FAM107B: variants seen among roughly 807,000 people sequenced by gnomAD.
FAM107B encodes the protein protein FAM107B.
Under a neutral mutation model 31.5 loss-of-function variants are expected in FAM107B, and 21 were observed. That is an observed-to-expected ratio of 0.67 (90% CI 0.47 to 0.96). The LOEUF is 0.96. FAM107B is among the 40% of genes least tolerant of loss of function. The pLI is 0.00. For missense variants in FAM107B, 452 were observed against 377.1 expected (o/e 1.20, Z -1.64); for synonymous variants, 157 against 141.5 (o/e 1.11, Z -0.78).
chr10:14,533,979 C>T (rs193231280), intron 2 of FAM107B, among the ~76,000 whole-genome samples: 5 of 152,122 alleles, frequency 3.3e-5, no homozygotes, highest in South Asian at 2.1e-4. Context: ...CACAGAAGTG[C>T]GTGTAGTGCA....
At chr10:14,730,227 G>A (rs541575896) in intron 1 of FAM107B, among the ~76,000 whole-genome samples, 1 of 152,142 alleles carries the variant, frequency 6.6e-6, no homozygotes, top group Non-Finnish European at 1.5e-5. Context: ...ATATCTCTGA[G>A]GTGGTTTCAT....
intron 2 of FAM107B, among the ~76,000 whole-genome samples, chr10:14,535,399 C>T (rs1440171799): frequency 1.3e-5 from 2 of 152,176 alleles, no homozygotes; most frequent in African/African-American, 2.4e-5. Context: ...ATAAGCCCAA[C>T]TATGCAACCA....
rs371845394 is a variant in FAM107B at position 14,723,552 on chromosome 10, A to G, written c.411+50701T>C. On this transcript the variant is annotated intron_variant, in intron 1 of 4. Transcript: ENST00000181796. ...TACACCACATCAAACCCACTGTGTGAGCTCCCTTACTGTTGCATGGAAAGG... is the reference window on the plus strand; with the variant it reads ...TACACCACATCAAACCCACTGTGTGGGCTCCCTTACTGTTGCATGGAAAGG... 28 of 647,320 alleles carry G rather than the reference A, an allele frequency of 4.3e-5. No individual in the cohort carries two copies. In the African/African-American group the frequency reaches 4.4e-4, roughly 10 times the overall value. 40.1% of individuals were successfully genotyped at this position (647,320 alleles called of 1,614,324 possible).
At chr10:14,650,805 C>T (rs775085959) in intron 2 of FAM107B, among the ~76,000 whole-genome samples, 22 of 152,162 alleles carry the variant, frequency 1.4e-4, no homozygotes, top group African/African-American at 4.3e-4. Context: ...TTCAAGAAGT[C>T]GTATATGCTC....
intron 1 of FAM107B, among the ~76,000 whole-genome samples, chr10:14,729,084 C>T (rs1856103750): frequency 6.6e-6 from 1 of 152,064 alleles, no homozygotes; most frequent in Admixed American, 6.6e-5. Context: ...CCTTGACCTT[C>T]TGGGCTCAAG....
At chr10:14,677,369 C>A (rs1250955953) in intron 1 of FAM107B, among the ~76,000 whole-genome samples, 1 of 152,208 alleles carries the variant, frequency 6.6e-6, no homozygotes, top group African/African-American at 2.4e-5. Context: ...ATCCTGTAAT[C>A]CCAGCACTTC....
At chr10:14,558,476 C>T (rs1375291109) in intron 2 of FAM107B, among the ~76,000 whole-genome samples, 2 of 152,132 alleles carry the variant, frequency 1.3e-5, no homozygotes, top group African/African-American at 2.4e-5. Context: ...CACAAAGCAC[C>T]GTTTGAATTA....
At chr10:14,556,252 A>C (rs1849690183) in intron 2 of FAM107B, 1 of 705,610 alleles carries the variant, frequency 1.4e-6, no homozygotes, top group African/African-American at 1.9e-5. Flanking sequence ...CCTTCCTGTC[A>C]TCAGAACCGA....
chr10:14,546,572 A>C (rs1848716131), intron 2 of FAM107B, among the ~76,000 whole-genome samples: 1 of 152,234 alleles, frequency 6.6e-6, no homozygotes, highest in South Asian at 2.1e-4. Flanking sequence ...CTAGGCGAAA[A>C]CTACCCATCT....
chr10:14,771,358 G>C (rs895223874), intron 1 of FAM107B, among the ~76,000 whole-genome samples: 3 of 152,216 alleles, frequency 2.0e-5, no homozygotes, highest in African/African-American at 7.2e-5. Flanking sequence ...ATTAAGAGGA[G>C]TTGGTTACTG....
intron 2 of FAM107B, among the ~76,000 whole-genome samples, chr10:14,655,767 A>G (rs1329593570): frequency 4.6e-5 from 7 of 152,202 alleles, no homozygotes. Flanking sequence ...CTACTCCTGT[A>G]GGGACTGAGG....
At position 14,593,057 on chromosome 10, in the gene FAM107B, T is replaced by C. The variant is rs187020530; in HGVS notation, c.470-62542A>G. 3.7e-4 allele frequency among the ~76,000 whole-genome samples: 57 copies of C among 152,322 alleles called. 1 individual carries two copies. The highest frequency in any genetic ancestry group is 1.3e-3 in the African/African-American group (55 of 41,574). ...AAAGGCCCACCATTCAGCGGGTTAATATTTTAAAAAATGGCAGACTTCCCT... is the reference window on the plus strand; with the variant it reads ...AAAGGCCCACCATTCAGCGGGTTAACATTTTAAAAAATGGCAGACTTCCCT... On this transcript the variant is annotated intron_variant, in intron 2 of 4. Transcript: ENST00000181796.
intron 1 of FAM107B, among the ~76,000 whole-genome samples, chr10:14,686,607 G>C (rs886219829): frequency 2.0e-5 from 3 of 152,178 alleles, no homozygotes; most frequent in Non-Finnish European, 4.4e-5. Context: ...AAACTCAGTA[G>C]CGAATATTTT....
chr10:14,758,665 G>A (rs1832977178), intron 1 of FAM107B, among the ~76,000 whole-genome samples: 1 of 152,174 alleles, frequency 6.6e-6, no homozygotes, highest in Admixed American at 6.5e-5. Flanking sequence ...TCTGGAGCGA[G>A]TGCCAATAGG....
At position 14,592,075 on chromosome 10, in the gene FAM107B, G is replaced by A. The variant is rs1271195652; in HGVS notation, c.470-61560C>T. On this transcript the variant is annotated intron_variant, in intron 2 of 4. Transcript: ENST00000181796. ...AGCCATTTCTAAGTGAATAAGGGAT[G>A]AAATCAATGCTGGGGAGGTGGGAAG... 2.6e-5 allele frequency among the ~76,000 whole-genome samples: 4 copies of A among 152,204 alleles called. No homozygotes were observed. In the East Asian group the frequency reaches 7.7e-4, roughly 29 times the overall value.
intron 1 of FAM107B, among the ~76,000 whole-genome samples, chr10:14,752,996 C>T (rs1040074165): frequency 6.6e-6 from 1 of 151,756 alleles, no homozygotes; most frequent in South Asian, 2.1e-4. Context: ...AAGAGAAATG[C>T]CAAGACTGAG....
At chr10:14,552,589 C>A (rs941058164) in intron 2 of FAM107B, among the ~76,000 whole-genome samples, 1 of 152,126 alleles carries the variant, frequency 6.6e-6, no homozygotes, top group Non-Finnish European at 1.5e-5. Context: ...GTAATCCCAG[C>A]ACTTTGGGAG....
chr10:14,677,349 C>T (rs558218992), intron 1 of FAM107B, among the ~76,000 whole-genome samples: 3 of 152,280 alleles, frequency 2.0e-5, no homozygotes, highest in African/African-American at 7.2e-5. Flanking sequence ...TGGCCGGGCG[C>T]GGTGGCTCAA....
chr10:14,535,597 GGTCT>G (rs56142131), intron 2 of FAM107B, among the ~76,000 whole-genome samples: 40,245 of 151,846 alleles, frequency 0.27, 5,851 homozygotes, highest in Middle Eastern at 0.32. Context: ...AGTCTAAAAA[GGTCT>G]GTCTATCACA....
Sources: allele counts gnomAD v4.1 joint callset (sites outside exome capture counted in the v4.1 genomes callset), GRCh38; gene constraint gnomAD v4.1.1; transcripts MANE v1.5; gene names NCBI Gene and HGNC (gene_info 2026-07-23, HGNC 2026-07-21).